The following CFAP299 variants were observed in gnomAD, a reference collection of about 807,000 sequenced individuals.
CFAP299 encodes cilia and flagella associated protein 299.
CFAP299 carries 21 observed loss-of-function variants against 27.0 expected under a neutral mutation model. That is an observed-to-expected ratio of 0.78 (90% confidence interval 0.55 to 1.12). CFAP299 has a LOEUF of 1.12. Among genes scored for constraint, CFAP299 ranks in the 50% most tolerant of loss-of-function variants. The pLI is 0.00. For missense variants in CFAP299, 310 were observed against 276.6 expected (o/e 1.12, Z -0.86); for synonymous variants, 104 against 98.1 (o/e 1.06, Z -0.36).
At chr4:80,660,221 T>C (rs1465755226) in intron 3 of CFAP299, among the ~76,000 whole-genome samples, 2 of 152,126 alleles carry the variant, frequency 1.3e-5, no homozygotes, top group African/African-American at 4.8e-5. Context: ...CATTTTAGGA[T>C]AATGTTTTTA....
chr4:80,872,901 C>T (rs764830762), intron 4 of CFAP299: 165 of 964,362 alleles, frequency 1.7e-4, no homozygotes, highest in Non-Finnish European at 2.0e-4. Context: ...AATATCATCT[C>T]TCTGTGTGTA....
intron 3 of CFAP299, among the ~76,000 whole-genome samples, chr4:80,867,543 TTCTGGAAGTTGGAAG>T (rs1167903858): frequency 6.6e-6 from 1 of 152,214 alleles, no homozygotes; most frequent in Non-Finnish European, 1.5e-5. Context: ...TTTCTCACAG[TTCTGGAAGTTGGAAG>T]TCCAAGATAA....
chr4:80,864,407 T>C (rs1041426200), intron 3 of CFAP299, among the ~76,000 whole-genome samples: 6 of 145,762 alleles, frequency 4.1e-5, no homozygotes, highest in Admixed American at 1.4e-4. Flanking sequence ...TGTATATATG[T>C]GTGTGTATGT....
chr4:80,952,019 G>A (rs1737807075), intron 5 of CFAP299, among the ~76,000 whole-genome samples: 1 of 152,140 alleles, frequency 6.6e-6, no homozygotes, highest in Non-Finnish European at 1.5e-5. Context: ...GGGTTGGGAG[G>A]TTTTACGCAT....
intron 2 of CFAP299, among the ~76,000 whole-genome samples, chr4:80,412,672 C>T (rs562222845): frequency 4.5e-4 from 69 of 152,244 alleles, no homozygotes; most frequent in Middle Eastern, 6.8e-3. Flanking sequence ...AGCATCTTTG[C>T]TCACTGAGGA....
chr4:80,583,084 CT>C lies in CFAP299; in HGVS notation c.243-5del. On this transcript the variant is annotated splice_polypyrimidine_tract_variant and splice_region_variant and intron_variant, in intron 2 of 5. Coordinates refer to ENST00000358105, the MANE Select transcript of CFAP299 (RefSeq NM_152770.3). The stretch of plus-strand genomic sequence containing the variant: ...TAATATATTATAACTGAAGATCTGC[CT>C]TTTACAGGACGCTAACAAGTGCTGG... The C allele has an allele frequency of 6.3e-7, 1 of 1,583,538 alleles. No homozygotes were observed. The highest frequency in any genetic ancestry group is 8.6e-7 in the Non-Finnish European group (1 of 1,159,756).
intron 2 of CFAP299, among the ~76,000 whole-genome samples, chr4:80,447,138 T>TTTG (rs1728666969): frequency 8.9e-6 from 1 of 112,012 alleles, no homozygotes; most frequent in African/African-American, 3.8e-5. Flanking sequence ...TTGTTTTTTT[T>TTTG]TTTTTTTTTT....
chr4:80,362,709 T>A, intron 1 of CFAP299, 45 bp from the exon 2 acceptor site: 1 of 1,547,904 alleles, frequency 6.5e-7, no homozygotes, highest in Non-Finnish European at 8.7e-7. Context: ...GTAAAAATAG[T>A]ATGTCTCATT....
intron 3 of CFAP299, among the ~76,000 whole-genome samples, chr4:80,801,419 G>A (rs2110110352): frequency 6.6e-6 from 1 of 152,030 alleles, no homozygotes; most frequent in South Asian, 2.1e-4. Context: ...AAATTTTAGT[G>A]AAATATCCTA....
At chr4:80,499,911 C>T (rs1011945325) in intron 2 of CFAP299, among the ~76,000 whole-genome samples, 3 of 151,990 alleles carry the variant, frequency 2.0e-5, no homozygotes, top group African/African-American at 7.2e-5. Flanking sequence ...ATGAATTAGC[C>T]GTTAATAGCT....
At chr4:80,328,639 T>C in the CFAP299 span, among the ~76,000 whole-genome samples, 1 of 152,096 alleles carries the variant, frequency 6.6e-6, no homozygotes, top group East Asian at 1.9e-4. Context: ...AGTATGTTGG[T>C]ATTGCCAAGT....
chr4:80,338,426 A>G (rs1722269934), intron 1 of CFAP299, among the ~76,000 whole-genome samples: 1 of 152,228 alleles, frequency 6.6e-6, no homozygotes, highest in Non-Finnish European at 1.5e-5. Context: ...ACTGTAAATT[A>G]GAGGTAGCAT....
intron 2 of CFAP299, among the ~76,000 whole-genome samples, chr4:80,557,805 A>C (rs1734848857): frequency 6.6e-6 from 1 of 152,180 alleles, no homozygotes; most frequent in Non-Finnish European, 1.5e-5. Context: ...AAGCAAGAAC[A>C]AACACAAAAT....
chr4:80,511,605 G>A (rs1164756899), intron 2 of CFAP299, among the ~76,000 whole-genome samples: 1 of 151,928 alleles, frequency 6.6e-6, no homozygotes, highest in Non-Finnish European at 1.5e-5. Flanking sequence ...GAAGGTAATG[G>A]CCATGAATGT....
rs559532251 is a variant in CFAP299, at chr4:80,917,705, T to G, written c.477-27105T>G. The stretch of plus-strand genomic sequence containing the variant: ...CCCAAAGAATATGAGCCTTTTGTAT[T>G]TTGAGGAAAGATTTCATACAGCAGA... On this transcript the variant is annotated intron_variant, in intron 4 of 5. Coordinates refer to ENST00000358105, the MANE Select transcript of CFAP299 (RefSeq NM_152770.3). 5.9e-5 allele frequency among the ~76,000 whole-genome samples: 9 copies of G among 152,270 alleles called. No homozygotes were observed. The East Asian group carries it at 1.7e-3, about 29-fold the overall frequency.
chr4:80,962,410 G>A (rs1738387782), intron 5 of CFAP299, among the ~76,000 whole-genome samples: 2 of 151,794 alleles, frequency 1.3e-5, no homozygotes, highest in Non-Finnish European at 2.9e-5. Flanking sequence ...ATTCCACTGG[G>A]CACAATTATT....
At chr4:80,810,351 GAC>G (rs70956066) in intron 3 of CFAP299, among the ~76,000 whole-genome samples, 109 of 147,422 alleles carry the variant, frequency 7.4e-4, no homozygotes, top group Non-Finnish European at 1.1e-3. Context: ...CCCAACCCCT[GAC>G]ACACACACAC....
intron 4 of CFAP299, among the ~76,000 whole-genome samples, chr4:80,909,940 T>C (rs187762444): frequency 6.6e-6 from 1 of 152,242 alleles, no homozygotes; most frequent in Admixed American, 6.5e-5. Flanking sequence ...TATAATTAAC[T>C]GATGATGTTT....
intron 3 of CFAP299, among the ~76,000 whole-genome samples, chr4:80,595,605 A>C (rs1737022119): frequency 6.6e-6 from 1 of 152,194 alleles, no homozygotes; most frequent in Non-Finnish European, 1.5e-5. Flanking sequence ...AGTAAAGAGT[A>C]ATAAGATAAA....
Sources: gnomAD v4.1 joint callset for allele counts (sites outside exome capture counted in the v4.1 genomes callset) on GRCh38, gnomAD v4.1.1 for gene constraint, MANE v1.5 for transcripts, NCBI Gene and HGNC (gene_info 2026-07-23, HGNC 2026-07-21) for gene names.